The following STXBP6 variants were observed in gnomAD, a reference collection of about 807,000 sequenced individuals.
STXBP6 encodes the protein syntaxin-binding protein 6.
STXBP6 carries 21 observed loss-of-function variants against 26.9 expected under a neutral mutation model. That is an observed-to-expected ratio of 0.78 (90% CI 0.55 to 1.12). STXBP6 has a LOEUF of 1.12. STXBP6 is among the 50% of genes most tolerant of loss of function. The probability of loss-of-function intolerance (pLI) is 0.00; values close to 1 mark genes in which losing one functional copy is unlikely to be tolerated. For synonymous variants in STXBP6, 97 were observed against 92.6 expected (o/e 1.05, Z -0.27); for missense variants, 232 against 257.9 (o/e 0.90, Z 0.69).
At chr14:24,863,224 T>C (rs1282859140) in intron 2 of STXBP6, among the ~76,000 whole-genome samples, 2 of 152,140 alleles carry the variant, frequency 1.3e-5, no homozygotes, top group Non-Finnish European at 2.9e-5. Flanking sequence ...CACGATATGG[T>C]TTTATTATAA....
intron 2 of STXBP6, among the ~76,000 whole-genome samples, chr14:24,897,283 G>A (rs1439812738): frequency 1.3e-5 from 2 of 151,404 alleles, no homozygotes; most frequent in African/African-American, 2.4e-5. Flanking sequence ...GGTGGTGGGC[G>A]CCTTTAGTCC....
chr14:24,944,177 T>A (rs2072899940), intron 2 of STXBP6, among the ~76,000 whole-genome samples: 1 of 152,118 alleles, frequency 6.6e-6, no homozygotes, highest in South Asian at 2.1e-4. Flanking sequence ...TTTTATCACA[T>A]TCAAAGACGG....
chr14:24,919,927 C>T (rs571345954), intron 2 of STXBP6, among the ~76,000 whole-genome samples: 1 of 151,968 alleles, frequency 6.6e-6, no homozygotes, highest in African/African-American at 2.4e-5. Context: ...CAAGTTAGGT[C>T]AAATTGAAAA....
intron 2 of STXBP6, among the ~76,000 whole-genome samples, chr14:24,889,240 A>G (rs997150071): frequency 6.6e-6 from 1 of 151,938 alleles, no homozygotes. Context: ...TCCTAAACAG[A>G]CCGTCAAAAG....
intron 4 of STXBP6, among the ~76,000 whole-genome samples, chr14:24,823,472 TC>T (rs2068198496): frequency 2.0e-5 from 3 of 152,162 alleles, no homozygotes; most frequent in African/African-American, 7.2e-5. Flanking sequence ...AATCCTTAAT[TC>T]TATTGCTAGT....
chr14:25,026,032 T>C (rs1392467899), intron 1 of STXBP6, among the ~76,000 whole-genome samples: 4 of 152,336 alleles, frequency 2.6e-5, no homozygotes, highest in Admixed American at 2.0e-4. Flanking sequence ...ACATTGACTT[T>C]ACATTGTTGG....
chr14:25,013,700 C>T (rs1275339819), intron 1 of STXBP6, among the ~76,000 whole-genome samples: 1 of 145,644 alleles, frequency 6.9e-6, no homozygotes, highest in African/African-American at 2.6e-5. Flanking sequence ...AAAATCCAGC[C>T]AGTGGGAAAA....
chr14:25,048,721 C>T (rs1204139337), intron 1 of STXBP6, among the ~76,000 whole-genome samples: 1 of 152,226 alleles, frequency 6.6e-6, no homozygotes, highest in Non-Finnish European at 1.5e-5. Flanking sequence ...CAGCAGCTCA[C>T]AGCCTCGGCT....
intron 1 of STXBP6, among the ~76,000 whole-genome samples, chr14:24,985,843 G>A (rs923367461): frequency 6.6e-6 from 1 of 152,354 alleles, no homozygotes; most frequent in African/African-American, 2.4e-5. Flanking sequence ...ATGCCTGGAA[G>A]TGATCCTAGT....
rs1218139080 is a variant in STXBP6 at position 24,931,127 on chromosome 14, A to AC, written c.154+43537_154+43538insG. On this transcript the variant is annotated intron_variant, in intron 2 of 5. Transcript: ENST00000323944. ...AGCGAGACTCCGTCTCAAAAAAAAA[A>AC]AAAAAAAAAAAAAAACCCAAACACC... 4.1e-3 allele frequency among the ~76,000 whole-genome samples: 563 copies of AC among 136,776 alleles called. 22 individuals carry two copies. The highest frequency in any genetic ancestry group is 0.014 in the African/African-American group (501 of 35,398). 89.7% of individuals were successfully genotyped at this position (136,776 alleles called of 152,430 possible).
At chr14:24,850,872 C>T (rs991016115) in intron 4 of STXBP6, among the ~76,000 whole-genome samples, 3 of 152,068 alleles carry the variant, frequency 2.0e-5, no homozygotes, top group African/African-American at 7.2e-5. Context: ...AAGTAAAAGG[C>T]TTGGATATGC....
At chr14:25,000,737 C>G (rs1033541007) in intron 1 of STXBP6, among the ~76,000 whole-genome samples, 7 of 149,828 alleles carry the variant, frequency 4.7e-5, no homozygotes, top group African/African-American at 1.2e-4. Flanking sequence ...GACACAAGAC[C>G]CCCATTCCAG....
In STXBP6 at chr14:24,998,655, T is replaced by C. The variant is rs186884051; in HGVS notation, c.-32-23805A>G. On this transcript the variant is annotated intron_variant, in intron 1 of 5. Transcript: ENST00000323944. ...CTGTTAGAACTCATAAATTTGTACA[T>C]ATCAATCTGAATTTACTGAACACCT... Among the ~76,000 whole-genome samples the C allele has an allele frequency of 2.0e-5, 3 of 152,298 alleles. No homozygotes were observed. The East Asian group carries it at 5.8e-4, about 29-fold the overall frequency.
intron 4 of STXBP6, among the ~76,000 whole-genome samples, chr14:24,831,003 T>C (rs1594924234): frequency 6.6e-6 from 1 of 152,164 alleles, no homozygotes; most frequent in African/African-American, 2.4e-5. Flanking sequence ...ACTAACTGCA[T>C]ATCCACAGGC....
At chr14:25,011,344 T>C (rs2075024947) in intron 1 of STXBP6, among the ~76,000 whole-genome samples, 1 of 152,208 alleles carries the variant, frequency 6.6e-6, no homozygotes, top group Non-Finnish European at 1.5e-5. Flanking sequence ...AAGTATTTCC[T>C]ATGTTGGAAA....
chr14:25,025,188 T>A (rs2075328286), intron 1 of STXBP6, among the ~76,000 whole-genome samples: 1 of 152,104 alleles, frequency 6.6e-6, no homozygotes, highest in Non-Finnish European at 1.5e-5. Context: ...TTAATTTAAA[T>A]CTAATTATTT....
chr14:24,838,412 G>C (rs1166144849), intron 4 of STXBP6, among the ~76,000 whole-genome samples: 1 of 152,198 alleles, frequency 6.6e-6, no homozygotes, highest in Non-Finnish European at 1.5e-5. Flanking sequence ...CAGGCTGGGC[G>C]TGGTGGCTCA....
intron 1 of STXBP6, among the ~76,000 whole-genome samples, chr14:24,981,006 A>G (rs1256503213): frequency 6.6e-6 from 1 of 152,192 alleles, no homozygotes; most frequent in Non-Finnish European, 1.5e-5. Flanking sequence ...TTATTCTGCT[A>G]TACAACCAGG....
chr14:24,939,688 A>AT (rs1025790308), intron 2 of STXBP6, among the ~76,000 whole-genome samples: 8 of 152,364 alleles, frequency 5.3e-5, no homozygotes, highest in African/African-American at 1.9e-4. Context: ...GGTAACATTC[A>AT]TTTTCTAATA....
Sources: gnomAD v4.1 joint callset for allele counts (sites outside exome capture counted in the v4.1 genomes callset) on GRCh38, gnomAD v4.1.1 for gene constraint, MANE v1.5 for transcripts, NCBI Gene and HGNC (gene_info 2026-07-23, HGNC 2026-07-21) for gene names.